ANGEL2: variants seen among roughly 807,000 people sequenced by gnomAD.
ANGEL2 encodes RNA 2',3'-cyclic phosphatase ANGEL2.
Under a neutral mutation model 66.0 loss-of-function variants are expected in ANGEL2, and 41 were observed. That is an observed-to-expected ratio of 0.62 (90% CI 0.48 to 0.81). The LOEUF is 0.81. Among genes scored for constraint, ANGEL2 ranks in the 30% least tolerant of loss-of-function variants. The probability of loss-of-function intolerance (pLI) is 0.00; values close to 1 mark genes in which losing one functional copy is unlikely to be tolerated. For missense variants in ANGEL2, 561 were observed against 641.6 expected, an observed-to-expected ratio of 0.87 and a Z score of 1.36; for synonymous variants, 208 against 226.5, an observed-to-expected ratio of 0.92 and a Z score of 0.73.
At chr1:212,996,227 A>C (rs1025312739) in intron 8 of ANGEL2, among the ~76,000 whole-genome samples, 1 of 152,142 alleles carries the variant, frequency 6.6e-6, no homozygotes, top group Non-Finnish European at 1.5e-5. Flanking sequence ...GAATGGTGTG[A>C]ACCTGGGAGG....
rs7512739 is a variant in ANGEL2 at position 213,012,844 on chromosome 1, T to C, written c.385+249A>G. Among the ~76,000 whole-genome samples, 245 of 152,372 alleles carry C rather than the reference T, an allele frequency of 1.6e-3. 1 individual carries two copies. The highest frequency in any genetic ancestry group is 5.7e-3 in the African/African-American group (237 of 41,586). On this transcript the variant is annotated intron_variant, in intron 2 of 8. Coordinates refer to ENST00000366962, the MANE Select transcript of ANGEL2 (RefSeq NM_144567.5). ...TTACTTTTGTAATCTATTTCTCCTT[T>C]CTTTGCCAATCTTATTCTATCTGTA...
At chr1:213,011,583 AGT>A in intron 2 of ANGEL2, 2 of 508,882 alleles carry the variant, frequency 3.9e-6, no homozygotes, top group Non-Finnish European at 5.2e-6. Context: ...TGAAGCCAAC[AGT>A]GTGTTAGGCA....
At chr1:213,005,590 A>G in intron 4 of ANGEL2, 136 bp from the exon 5 acceptor site, 3 of 994,130 alleles carry the variant, frequency 3.0e-6, no homozygotes, top group East Asian at 5.2e-5. Context: ...GTCAATAAAC[A>G]TTGGAATAAA....
Position 213,000,906 on chromosome 1 carries a change from C to T in ANGEL2, c.1141G>A (p.Gly381Ser), listed in dbSNP as rs935492133. ...YEGLPIGKVS[G>S]QEQSSRGQRI... ...TGTCCCCGTGAAGACTGTTCCTGGC[C>T]AGATACCTAAACAAAATTTCAACAG... Residue 381 changes from glycine (G) to serine (S), a missense_variant, in exon 6 of 9, where the codon GGC (glycine) becomes AGC (serine). Transcript: ENST00000366962. 10 of 1,605,450 alleles carry T rather than the reference C, an allele frequency of 6.2e-6. No individual in the cohort carries two copies. Among genetic ancestry groups the T allele is most frequent in the Non-Finnish European group, 8.5e-6 (10 of 1,178,336 alleles).
intron 6 of ANGEL2, 103 bp from the exon 7 acceptor site, chr1:213,000,486 GA>G: frequency 9.8e-7 from 1 of 1,022,090 alleles, no homozygotes; most frequent in East Asian, 2.5e-5. Flanking sequence ...AGGTTAGAAA[GA>G]TGCCTAGTTA....
At chr1:213,002,779 G>C (rs548069399) in intron 5 of ANGEL2, among the ~76,000 whole-genome samples, 1 of 151,930 alleles carries the variant, frequency 6.6e-6, no homozygotes, top group Non-Finnish European at 1.5e-5. Flanking sequence ...AAATTAGCCC[G>C]GCGTGGAGGC....
At chr1:213,015,572 C>T (rs1313029037) in intron 1 of ANGEL2, 41 bp downstream of exon 1, 2 of 1,608,844 alleles carry the variant, frequency 1.2e-6, no homozygotes, top group South Asian at 2.2e-5. Context: ...TTCAGGCCGC[C>T]CGCCCCTCTC....
In ANGEL2 at chr1:212,994,011, A is replaced by G. The variant is rs1572095985; in HGVS notation, c.*1030T>C. ...ATTTTTAAAAAATGCTGCCATGTGC[A>G]GTGGCTCCCGCCTGTAATCCCAGCA... On this transcript the variant is annotated 3_prime_UTR_variant, in exon 9 of 9. Transcript: ENST00000366962. The G allele has an allele frequency of 6.6e-6, 1 of 152,242 alleles. No individual in the cohort carries two copies. 9.4% of individuals were successfully genotyped at this position (152,242 alleles called of 1,614,324 possible).
At chr1:213,005,569 T>A in intron 4 of ANGEL2, 115 bp from the exon 5 acceptor site, 1 of 1,094,846 alleles carries the variant, frequency 9.1e-7, no homozygotes, top group Non-Finnish European at 1.3e-6. Context: ...AAAACATTAG[T>A]AATGTAGGAT....
chr1:213,008,566 G>A (rs2076410020), intron 2 of ANGEL2, 100 bp from the exon 3 acceptor site: 1 of 1,360,032 alleles, frequency 7.4e-7, no homozygotes, highest in Non-Finnish European at 9.9e-7. Flanking sequence ...ATTCCCATAA[G>A]CAATGAATAG....
intron 4 of ANGEL2, chr1:213,006,784 A>T: frequency 4.5e-6 from 1 of 223,234 alleles, no homozygotes; most frequent in Admixed American, 5.6e-5. Flanking sequence ...TGAGTACCTC[A>T]ATCTTTTCCT....
At chr1:213,012,860 T>A (rs2076542778) in intron 2 of ANGEL2, among the ~76,000 whole-genome samples, 1 of 152,202 alleles carries the variant, frequency 6.6e-6, no homozygotes, top group Non-Finnish European at 1.5e-5. Flanking sequence ...CCAATCTTAT[T>A]CTATCTGTAG....
chr1:213,011,415 C>G (rs1272571279), intron 2 of ANGEL2: 1 of 1,129,918 alleles, frequency 8.9e-7, no homozygotes, highest in Admixed American at 4.4e-5. Flanking sequence ...TATCGGAAGT[C>G]ACAAATATGG....
chr1:212,996,640 AATATATAT>A (rs34712162), intron 8 of ANGEL2, among the ~76,000 whole-genome samples: 41 of 66,454 alleles, frequency 6.2e-4, no homozygotes, highest in East Asian at 2.3e-3. Context: ...AAAAAAAAAA[AATATATAT>A]ATATATATAT....
rs1033714044 is a variant in ANGEL2 at position 213,015,740 on chromosome 1, G to A, written c.-69C>T. On this transcript the variant is annotated 5_prime_UTR_variant, in exon 1 of 9. Transcript: ENST00000366962. The stretch of plus-strand genomic sequence containing the variant: ...CCTCAATCTCTATAATCGATGCGAC[G>A]GCCTAAAGTATCTAGGGAACCCCAT... 5 of 1,604,926 alleles carry A rather than the reference G, an allele frequency of 3.1e-6. No individual in the cohort carries two copies. The African/African-American group carries it at 4.0e-5, about 13-fold the overall frequency.
Position 213,015,757 on chromosome 1 carries a change from G to T in ANGEL2, c.-86C>A. 1 of 1,582,330 alleles carries T rather than the reference G, an allele frequency of 6.3e-7. No individual in the cohort carries two copies. ...GATGCGACGGCCTAAAGTATCTAGG[G>T]AACCCCATCACTCTTAAGTACCGAC... On this transcript the variant is annotated 5_prime_UTR_variant, in exon 1 of 9. Transcript: ENST00000366962.
Position 213,000,914 on chromosome 1 carries a change from T to C in ANGEL2, c.1135-2A>G. The C allele has an allele frequency of 6.2e-7, 1 of 1,603,580 alleles. No individual in the cohort carries two copies. Among genetic ancestry groups the C allele is most frequent in the Non-Finnish European group, 8.5e-7 (1 of 1,177,952 alleles). On this transcript the variant is annotated splice_acceptor_variant, in intron 5 of 8. Coordinates refer to ENST00000366962, the MANE Select transcript of ANGEL2 (RefSeq NM_144567.5). LOFTEE classifies it high-confidence loss of function. ...TGAAGACTGTTCCTGGCCAGATACC[T>C]AAACAAAATTTCAACAGGTATCTTA...
chr1:213,008,017 C>T (rs899411451), intron 3 of ANGEL2, among the ~76,000 whole-genome samples, 193 bp downstream of exon 3: 4 of 151,790 alleles, frequency 2.6e-5, no homozygotes, highest in African/African-American at 9.7e-5. Context: ...GCATGAGCCA[C>T]CACGCCCGGC....
At position 213,005,231 on chromosome 1, in the gene ANGEL2, C is replaced by T; in HGVS notation, c.936G>A (p.Leu312=). ...PAICVANTHL[L]YNPRRGDIKL... ...TAATATCACCTCGCCTTGGATTATA[C>T]AACAGATGCGTATTTGCTACGCAGA... Residue 312 remains leucine (L), a synonymous_variant, in exon 5 of 9, where the codon TTG becomes TTA. Transcript: ENST00000366962. 1 of 1,614,226 alleles carries T rather than the reference C, an allele frequency of 6.2e-7. No individual in the cohort carries two copies.
Sources: gnomAD v4.1 joint callset for allele counts (sites outside exome capture counted in the v4.1 genomes callset) on GRCh38, gnomAD v4.1.1 for gene constraint, MANE v1.5 for transcripts, NCBI Gene and HGNC (gene_info 2026-07-23, HGNC 2026-07-21) for gene names.